The following ST7 variants were observed in gnomAD, a reference collection of about 807,000 sequenced individuals.
ST7 encodes suppressor of tumorigenicity 7 protein.
ST7 carries 28 observed loss-of-function variants against 78.7 expected under a neutral mutation model. The ratio of observed to expected loss-of-function variants is 0.36; its 90% confidence interval spans 0.26 to 0.49. The LOEUF (loss-of-function observed/expected upper bound fraction) is 0.49, where lower values mean the gene tolerates loss of function less well. Ranked by LOEUF, ST7 falls within the 20% of genes least tolerant of loss-of-function variation. The pLI, the probability that ST7 is intolerant of heterozygous loss-of-function variation, is 0.99. For synonymous variants in ST7, 247 were observed against 249.6 expected (o/e 0.99, Z 0.10); for missense variants, 418 against 696.0 (o/e 0.60, Z 4.49).
In ST7 at chr7:116,976,788, TTATATACCTCACC is replaced by T. The variant is rs560243946; in HGVS notation, c.151+23098_151+23110del. ...TTCAGTTTACCACATGGTTGTACCA[TTATATACCTCACC>T]AGTAATAGATGCAAACTCCTGTTTC... On this transcript the variant is annotated intron_variant, in intron 1 of 15. Coordinates refer to ENST00000323984, the MANE Select transcript of ST7 (RefSeq NM_001369598.1). Among the ~76,000 whole-genome samples the T allele has an allele frequency of 5.5e-4, 84 of 152,332 alleles. 1 individual carries two copies. The East Asian group carries it at 0.015, about 28-fold the overall frequency.
intron 1 of ST7, among the ~76,000 whole-genome samples, chr7:117,051,061 G>T (rs1797769821): frequency 6.6e-6 from 1 of 151,948 alleles, no homozygotes; most frequent in South Asian, 2.1e-4. Context: ...GACCTACACA[G>T]TTCAAATTTG....
At chr7:117,099,911 A>C (rs1801439543) in intron 2 of ST7, 67 bp downstream of exon 2, 1 of 1,287,116 alleles carries the variant, frequency 7.8e-7, no homozygotes, top group African/African-American at 1.5e-5. Context: ...GTGTATGTAC[A>C]GTAAAAAACT....
chr7:117,014,287 G>GTTGAAACA (rs1795505609), intron 1 of ST7, among the ~76,000 whole-genome samples: 1 of 152,122 alleles, frequency 6.6e-6, no homozygotes, highest in South Asian at 2.1e-4. Context: ...ATATGCTCAA[G>GTTGAAACA]ATTGGCAATG....
chr7:117,099,074 A>AAAAAAG (rs1563080274), intron 1 of ST7, among the ~76,000 whole-genome samples: 3 of 149,490 alleles, frequency 2.0e-5, no homozygotes, highest in East Asian at 1.9e-4. Context: ...AACAAAAAAA[A>AAAAAAG]AAGAAGAAGA....
intron 12 of ST7, 83 bp downstream of exon 12, chr7:117,191,019 C>A: frequency 9.1e-7 from 1 of 1,096,430 alleles, no homozygotes; most frequent in Non-Finnish European, 1.4e-6. Context: ...CTCAAGTACA[C>A]CGCTTATAAA....
intron 1 of ST7, among the ~76,000 whole-genome samples, chr7:117,003,417 C>T (rs142576961): frequency 6.6e-6 from 1 of 152,272 alleles, no homozygotes; most frequent in East Asian, 1.9e-4. Context: ...CCTGCCTCAG[C>T]CTCCTGAGTA....
chr7:117,099,254 A>T (rs1309151080), intron 1 of ST7, among the ~76,000 whole-genome samples: 4 of 152,002 alleles, frequency 2.6e-5, no homozygotes, highest in Non-Finnish European at 4.4e-5. Flanking sequence ...CAACCTAATA[A>T]CTTGTCAATT....
Position 116,953,628 on chromosome 7 carries a change from A to C in ST7, c.88A>C (p.Ile30Leu). ...GTATCTGTGGACCGTGTGGTTCTTC[A>C]TCGTGCTATTCCTGGTCTACATCCT... Reference protein sequence around the residue: ...WTYLWTVWFFIVLFLVYILRV... With the variant: ...WTYLWTVWFFLVLFLVYILRV... The change falls in exon 1 of 16, where the codon ATC becomes CTC. Residue 30 changes from isoleucine to leucine, a missense_variant. Coordinates refer to ENST00000323984, the MANE Select transcript of ST7 (RefSeq NM_001369598.1). 1 of 1,512,704 alleles carries C rather than the reference A, an allele frequency of 6.6e-7. No individual in the cohort carries two copies. 93.7% of individuals were successfully genotyped at this position (1,512,704 alleles called of 1,614,324 possible). A position where few individuals can be genotyped will look rare whatever the true frequency, so the allele number is the denominator to read the frequency against.
intron 1 of ST7, chr7:117,020,734 T>C: frequency 6.7e-7 from 1 of 1,484,008 alleles, no homozygotes; most frequent in Non-Finnish European, 9.1e-7. Flanking sequence ...TTAACAACCT[T>C]TGTATTTTGG....
intron 1 of ST7, among the ~76,000 whole-genome samples, chr7:117,012,745 A>G (rs1795438963): frequency 6.6e-6 from 1 of 152,170 alleles, no homozygotes; most frequent in Admixed American, 6.5e-5. Context: ...AGAGAGGTTT[A>G]AAAACTTGCT....
intron 14 of ST7, among the ~76,000 whole-genome samples, chr7:117,221,695 C>T (rs1652355655): frequency 6.6e-6 from 1 of 152,210 alleles, no homozygotes; most frequent in East Asian, 1.9e-4. Flanking sequence ...TCAGCCCCCT[C>T]CTGCCTCAAT....
At chr7:117,027,434 C>T (rs908525405) in intron 1 of ST7, among the ~76,000 whole-genome samples, 23 of 10,892 alleles carry the variant, frequency 2.1e-3, no homozygotes, top group Admixed American at 0.01. Context: ...AGTGAGACTC[C>T]GTCTCAAAAG....
At chr7:117,014,376 A>C (rs889777797) in intron 1 of ST7, among the ~76,000 whole-genome samples, 2 of 152,226 alleles carry the variant, frequency 1.3e-5, no homozygotes, top group Non-Finnish European at 2.9e-5. Flanking sequence ...AGTAATGACC[A>C]TATGTCCTTT....
chr7:117,134,996 C>A (rs1300133917), intron 7 of ST7, among the ~76,000 whole-genome samples: 2 of 152,010 alleles, frequency 1.3e-5, no homozygotes, highest in African/African-American at 4.8e-5. Flanking sequence ...CTGGCTATTG[C>A]AGTTTGTGGA....
chr7:117,195,863 CT>C (rs1810262856), intron 12 of ST7, among the ~76,000 whole-genome samples: 1 of 152,266 alleles, frequency 6.6e-6, no homozygotes, highest in East Asian at 1.9e-4. Context: ...ATCTCCAGAA[CT>C]TTTTCATCTT....
intron 15 of ST7, among the ~76,000 whole-genome samples, chr7:117,224,744 T>G (rs1388609271): frequency 4.0e-4 from 61 of 152,160 alleles, no homozygotes; most frequent in Admixed American, 4.0e-3. Context: ...GGTATCTGTA[T>G]TTTTCACAAA....
chr7:116,994,785 T>G (rs1341500696), intron 1 of ST7, among the ~76,000 whole-genome samples: 1 of 152,240 alleles, frequency 6.6e-6, no homozygotes, highest in Non-Finnish European at 1.5e-5. Flanking sequence ...GAACATGAAG[T>G]GCTAACAGTG....
intron 1 of ST7, among the ~76,000 whole-genome samples, chr7:117,080,641 T>C (rs1157887192): frequency 6.6e-6 from 1 of 152,210 alleles, no homozygotes; most frequent in East Asian, 1.9e-4. Flanking sequence ...AATTCACATG[T>C]ATGAACTTAT....
chr7:117,134,288 C>G (rs1486506257), intron 7 of ST7, 96 bp downstream of exon 7: 3 of 1,559,056 alleles, frequency 1.9e-6, no homozygotes, highest in South Asian at 1.1e-5. Flanking sequence ...CACTTTCTTG[C>G]TTCTGTATGT....
Sources: allele counts gnomAD v4.1 joint callset (sites outside exome capture counted in the v4.1 genomes callset), GRCh38; gene constraint gnomAD v4.1.1; transcripts MANE v1.5; gene names NCBI Gene and HGNC (gene_info 2026-07-23, HGNC 2026-07-21).